The following EPN2 variants were observed in gnomAD, a reference collection of about 807,000 sequenced individuals.
EPN2 encodes the protein epsin 2.
A neutral mutation model predicts 61.7 loss-of-function variants in EPN2; 34 were observed. That is an observed-to-expected ratio of 0.55 (90% confidence interval 0.42 to 0.73). The LOEUF (loss-of-function observed/expected upper bound fraction) is 0.73, where lower values mean the gene tolerates loss of function less well. EPN2 is among the 30% of genes least tolerant of loss of function. The probability of loss-of-function intolerance (pLI) is 0.00; values close to 1 mark genes in which losing one functional copy is unlikely to be tolerated. For synonymous variants in EPN2, 349 were observed against 353.6 expected, an observed-to-expected ratio of 0.99 and a Z score of 0.15; for missense variants, 714 against 839.2, an observed-to-expected ratio of 0.85 and a Z score of 1.84.
chr17:19,241,993 T>C (rs1306347745), intron 1 of EPN2, among the ~76,000 whole-genome samples: 1 of 152,190 alleles, frequency 6.6e-6, no homozygotes, highest in African/African-American at 2.4e-5. Context: ...CCACCAAGTT[T>C]ATTTAGAAGG....
intron 7 of EPN2, among the ~76,000 whole-genome samples, chr17:19,324,718 A>G (rs745417921): frequency 2.6e-5 from 4 of 152,230 alleles, no homozygotes; most frequent in Non-Finnish European, 4.4e-5. Flanking sequence ...ACATTAGTAA[A>G]AAAGATATAA....
At chr17:19,281,794 C>T (rs548370230) in intron 1 of EPN2, among the ~76,000 whole-genome samples, 161 bp from the exon 2 acceptor site, 7 of 152,252 alleles carry the variant, frequency 4.6e-5, no homozygotes, top group East Asian at 1.9e-4. Context: ...GCTTCCTATC[C>T]GGGCCCTAGC....
chr17:19,312,207 C>A, intron 6 of EPN2, 63 bp downstream of exon 6: 1 of 1,181,596 alleles, frequency 8.5e-7, no homozygotes, highest in Non-Finnish European at 1.3e-6. Flanking sequence ...TCAATATCCC[C>A]CCACCAACTT....
intron 1 of EPN2, among the ~76,000 whole-genome samples, chr17:19,238,020 G>A (rs1272183679): frequency 2.0e-5 from 3 of 151,990 alleles, no homozygotes; most frequent in Non-Finnish European, 4.4e-5. Context: ...GGAATCGGGG[G>A]AGGGGTCCTT....
At chr17:19,264,512 G>C (rs1005443486) in intron 1 of EPN2, among the ~76,000 whole-genome samples, 1 of 152,194 alleles carries the variant, frequency 6.6e-6, no homozygotes, top group African/African-American at 2.4e-5. Context: ...ATTCTCGCTG[G>C]CTGCCATTTC....
intron 10 of EPN2, among the ~76,000 whole-genome samples, chr17:19,332,608 C>T (rs1907214806): frequency 6.6e-6 from 1 of 152,208 alleles, no homozygotes; most frequent in Non-Finnish European, 1.5e-5. Context: ...TGGTCCCACC[C>T]TCCTCTTCCC....
At chr17:19,255,378 G>A (rs146579347) in intron 1 of EPN2, among the ~76,000 whole-genome samples, 1 of 151,638 alleles carries the variant, frequency 6.6e-6, no homozygotes, top group South Asian at 2.1e-4. Context: ...TTCTAACCTG[G>A]CCTTCTGGCT....
intron 7 of EPN2, among the ~76,000 whole-genome samples, chr17:19,313,963 C>T (rs1308084205): frequency 6.6e-6 from 1 of 152,188 alleles, no homozygotes; most frequent in Non-Finnish European, 1.5e-5. Context: ...GAGGCCCCTC[C>T]TGGTGTGCTA....
intron 1 of EPN2, among the ~76,000 whole-genome samples, chr17:19,244,424 A>C (rs1023312091): frequency 6.0e-5 from 9 of 150,488 alleles, no homozygotes; most frequent in African/African-American, 2.0e-4. Context: ...GTGCCACTAC[A>C]CTCCAGACTG....
Position 19,335,414 on chromosome 17 carries a change from G to C in EPN2, c.*1160G>C. Reference sequence around the variant, plus strand: ...CTTTTTTTTATTAAAGGCATGCAGGGATTAACAGGACTTCTGTTTACAATG... The same window carrying C: ...CTTTTTTTTATTAAAGGCATGCAGGCATTAACAGGACTTCTGTTTACAATG... On this transcript the variant is annotated 3_prime_UTR_variant, in exon 11 of 11. Coordinates refer to ENST00000314728, the MANE Select transcript of EPN2 (RefSeq NM_014964.5). 2 of 1,549,940 alleles carry C rather than the reference G, an allele frequency of 1.3e-6. No homozygotes were observed. Among genetic ancestry groups the C allele is most frequent in the Non-Finnish European group, 1.7e-6 (2 of 1,146,638 alleles).
At chr17:19,252,904 C>T (rs1336086454) in intron 1 of EPN2, among the ~76,000 whole-genome samples, 2 of 152,162 alleles carry the variant, frequency 1.3e-5, no homozygotes, top group African/African-American at 4.8e-5. Flanking sequence ...TTTCCCTGCT[C>T]CAGACTGGTC....
intron 1 of EPN2, among the ~76,000 whole-genome samples, chr17:19,241,989 A>G (rs553991712): frequency 6.6e-6 from 1 of 152,324 alleles, no homozygotes; most frequent in African/African-American, 2.4e-5. Context: ...GTCACCACCA[A>G]GTTTATTTAG....
intron 7 of EPN2, among the ~76,000 whole-genome samples, chr17:19,320,562 A>C (rs1228551911): frequency 2.0e-5 from 3 of 152,180 alleles, no homozygotes; most frequent in Non-Finnish European, 4.4e-5. Flanking sequence ...CCAAATGCTC[A>C]GGCCCACCCC....
chr17:19,332,993 TG>T (rs1016111665), intron 10 of EPN2, among the ~76,000 whole-genome samples: 28 of 152,214 alleles, frequency 1.8e-4, no homozygotes, highest in Admixed American at 7.2e-4. Context: ...AGGCTGAGGT[TG>T]GGGACCCTTG....
rs140536354 is a variant in EPN2 at position 19,276,360 on chromosome 17, A to ATTTTTTTTTT, written c.-293-5572_-293-5563dup. On this transcript the variant is annotated intron_variant, in intron 1 of 10. Coordinates refer to ENST00000314728, the MANE Select transcript of EPN2 (RefSeq NM_014964.5). ...GCACCACCATGCCCAGCTAATTAAA[A>ATTTTTTTTTT]TTTTTTTTTTTTTTTTTTTTTTTTT... The ATTTTTTTTTT allele has an allele frequency of 2.1e-3, 166 of 79,970 alleles. 7 individuals carry two copies. Among genetic ancestry groups the ATTTTTTTTTT allele is most frequent in the African/African-American group, 8.3e-3 (158 of 19,118 alleles). The allele number at this position is 79,970 out of a possible 1,614,324, so 5.0% of individuals were successfully genotyped here.
intron 7 of EPN2, among the ~76,000 whole-genome samples, chr17:19,319,860 C>G (rs1906562543): frequency 1.3e-5 from 2 of 152,204 alleles, no homozygotes; most frequent in South Asian, 4.1e-4. Flanking sequence ...AGTGACCAGG[C>G]TGGTCTCCAA....
intron 1 of EPN2, among the ~76,000 whole-genome samples, chr17:19,261,924 A>G (rs1266943482): frequency 1.3e-5 from 2 of 152,186 alleles, no homozygotes; most frequent in Non-Finnish European, 2.9e-5. Context: ...GTGGTGGCTC[A>G]CACCTGTAAT....
At chr17:19,313,654 G>GC (rs2152232990) in intron 7 of EPN2, 1 of 218,140 alleles carries the variant, frequency 4.6e-6, no homozygotes, top group East Asian at 9.9e-5. Context: ...AAATCAAGCT[G>GC]CTGTAATTAG....
chr17:19,247,378 A>G (rs761996354), intron 1 of EPN2, among the ~76,000 whole-genome samples: 12 of 152,228 alleles, frequency 7.9e-5, no homozygotes, highest in African/African-American at 2.7e-4. Context: ...TTGTTGAGCC[A>G]TGATTTTGAT....
Sources: allele counts gnomAD v4.1 joint callset (sites outside exome capture counted in the v4.1 genomes callset), GRCh38; gene constraint gnomAD v4.1.1; transcripts MANE v1.5; gene names NCBI Gene and HGNC (gene_info 2026-07-23, HGNC 2026-07-21).